Variants in RAP1A observed in about 807,000 individuals in gnomAD.
RAP1A encodes ras-related protein Rap-1A.
Under a neutral mutation model 26.4 loss-of-function variants are expected in RAP1A, and 6 were observed. That is an observed-to-expected ratio of 0.23 (90% confidence interval 0.12 to 0.45). The LOEUF (loss-of-function observed/expected upper bound fraction) is 0.45, where lower values mean the gene tolerates loss of function less well. Among genes scored for constraint, RAP1A ranks in the 20% least tolerant of loss-of-function variants. The pLI is 0.99. For missense variants in RAP1A, 121 were observed against 217.2 expected, an observed-to-expected ratio of 0.56 and a Z score of 2.78; for synonymous variants, 73 against 79.4, an observed-to-expected ratio of 0.92 and a Z score of 0.43.
chr1:111,652,552 T>A (rs1660308114), intron 1 of RAP1A, among the ~76,000 whole-genome samples: 1 of 152,116 alleles, frequency 6.6e-6, no homozygotes, highest in South Asian at 2.1e-4. Flanking sequence ...CATAAAACAT[T>A]TACCATCTAG....
rs1662492988 is a variant in RAP1A, at chr1:111,715,003, C to T, written c.*2602C>T. ...TGGCTTGGTGGTATCCCTGAACAGT[C>T]TACTTTTAGAAATTAACAGTAAATA... On this transcript the variant is annotated 3_prime_UTR_variant, in exon 8 of 8. Coordinates refer to ENST00000369709, the MANE Select transcript of RAP1A (RefSeq NM_002884.4). The T allele has an allele frequency of 6.6e-6, 1 of 152,078 alleles. No homozygotes were observed. Among genetic ancestry groups the T allele is most frequent in the South Asian group, 2.1e-4 (1 of 4,832 alleles). The allele number at this position is 152,078 out of a possible 1,614,324, so 9.4% of individuals were successfully genotyped here.
chr1:111,712,751 T>A lies in RAP1A; in HGVS notation c.*350T>A, dbSNP rs879282740. The stretch of plus-strand genomic sequence containing the variant: ...ATAATCAAATGATTTCATATTGATC[T>A]TTTTATCATGATCCTCCCTATCAAG... On this transcript the variant is annotated 3_prime_UTR_variant, in exon 8 of 8. Coordinates refer to ENST00000369709, the MANE Select transcript of RAP1A (RefSeq NM_002884.4). 6.6e-6 allele frequency: 1 copy of A among 152,546 alleles called. No homozygotes were observed. The highest frequency in any genetic ancestry group is 1.5e-5 in the Non-Finnish European group (1 of 67,938). The allele number at this position is 152,546 out of a possible 1,614,324, so 9.4% of individuals were successfully genotyped here. A position where few individuals can be genotyped will look rare whatever the true frequency, so the allele number is the denominator to read the frequency against.
intron 1 of RAP1A, among the ~76,000 whole-genome samples, chr1:111,658,612 T>C (rs1433956578): frequency 6.6e-6 from 1 of 152,222 alleles, no homozygotes; most frequent in Non-Finnish European, 1.5e-5. Flanking sequence ...TGGTTCAGGA[T>C]CATTAAGATG....
chr1:111,703,617 T>A (rs1249507055), intron 5 of RAP1A, 141 bp downstream of exon 5: 2 of 766,312 alleles, frequency 2.6e-6, no homozygotes, highest in African/African-American at 1.8e-5. Context: ...AAGAAAAAAA[T>A]TTAACTTTCA....
intron 6 of RAP1A, among the ~76,000 whole-genome samples, chr1:111,707,752 C>G (rs1237059062): frequency 6.6e-6 from 1 of 152,174 alleles, no homozygotes; most frequent in South Asian, 2.1e-4. Context: ...CAAAGCTTAT[C>G]TGTTTCATGT....
At chr1:111,620,656 A>T (rs1189445579) in intron 1 of RAP1A, among the ~76,000 whole-genome samples, 1 of 151,876 alleles carries the variant, frequency 6.6e-6, no homozygotes, top group Admixed American at 6.6e-5. Flanking sequence ...CTTTACCCTC[A>T]TGTCTTCCGT....
intron 1 of RAP1A, among the ~76,000 whole-genome samples, chr1:111,603,685 C>T (rs1191763680): frequency 6.6e-6 from 1 of 152,210 alleles, no homozygotes; most frequent in Admixed American, 6.5e-5. Context: ...ACCCACTCCT[C>T]CCAGTTAAAA....
chr1:111,686,289 G>A (rs535668779), intron 1 of RAP1A, among the ~76,000 whole-genome samples: 1 of 152,162 alleles, frequency 6.6e-6, no homozygotes, highest in Non-Finnish European at 1.5e-5. Context: ...TATTGATACT[G>A]TTGGAAAAAA....
intron 1 of RAP1A, among the ~76,000 whole-genome samples, chr1:111,558,436 C>G (rs572210557): frequency 3.9e-5 from 6 of 152,228 alleles, no homozygotes; most frequent in African/African-American, 1.4e-4. Context: ...ATCCACCTGC[C>G]TCAGCCTCCC....
At chr1:111,662,557 A>T (rs2101160713) in intron 1 of RAP1A, among the ~76,000 whole-genome samples, 1 of 152,260 alleles carries the variant, frequency 6.6e-6, no homozygotes, top group East Asian at 1.9e-4. Flanking sequence ...TTACGAGGAT[A>T]GGAAACTCAT....
At chr1:111,599,445 T>C (rs1472582829) in intron 1 of RAP1A, among the ~76,000 whole-genome samples, 1 of 152,196 alleles carries the variant, frequency 6.6e-6, no homozygotes, top group Admixed American at 6.5e-5. Context: ...GACCTCGTGA[T>C]CCACCTGCCT....
chr1:111,595,371 A>G (rs895174907), intron 1 of RAP1A, among the ~76,000 whole-genome samples: 3 of 152,184 alleles, frequency 2.0e-5, no homozygotes, highest in Admixed American at 6.5e-5. Flanking sequence ...AAGGACAAAG[A>G]AATTGCCTGA....
At chr1:111,566,090 G>T (rs1011994785) in intron 1 of RAP1A, among the ~76,000 whole-genome samples, 12 of 152,054 alleles carry the variant, frequency 7.9e-5, no homozygotes, top group African/African-American at 2.7e-4. Flanking sequence ...GGGTCTGAAG[G>T]TCTCGTGTGT....
chr1:111,559,568 T>C (rs144125625), intron 1 of RAP1A, among the ~76,000 whole-genome samples: 4 of 152,184 alleles, frequency 2.6e-5, no homozygotes, highest in East Asian at 3.8e-4. Flanking sequence ...AAGGAGATCA[T>C]AATTTCTATC....
intron 7 of RAP1A, among the ~76,000 whole-genome samples, chr1:111,711,154 A>C (rs1662373567): frequency 6.6e-6 from 1 of 152,184 alleles, no homozygotes; most frequent in Non-Finnish European, 1.5e-5. Flanking sequence ...TATAACTTTA[A>C]ATCATCAGTT....
At chr1:111,636,876 A>G (rs1286280386) in intron 1 of RAP1A, among the ~76,000 whole-genome samples, 2 of 152,214 alleles carry the variant, frequency 1.3e-5, no homozygotes, top group Admixed American at 6.5e-5. Context: ...ACTTCAGTAC[A>G]TAATTTTTTA....
At chr1:111,566,023 C>T (rs770250453) in intron 1 of RAP1A, among the ~76,000 whole-genome samples, 40 of 151,794 alleles carry the variant, frequency 2.6e-4, no homozygotes, top group Admixed American at 4.6e-4. Flanking sequence ...AATGATGAGT[C>T]CTGAAGTGCC....
At chr1:111,596,023 C>A (rs1658558256) in intron 1 of RAP1A, among the ~76,000 whole-genome samples, 1 of 152,116 alleles carries the variant, frequency 6.6e-6, no homozygotes, top group Non-Finnish European at 1.5e-5. Flanking sequence ...AATGTTTGAG[C>A]CAACATTAGA....
chr1:111,628,001 C>T (rs1659452798), intron 1 of RAP1A, among the ~76,000 whole-genome samples: 1 of 151,446 alleles, frequency 6.6e-6, no homozygotes. Context: ...GGTTTGTGTC[C>T]TTGCTTTGCC....
Sources: gnomAD v4.1 joint callset for allele counts (sites outside exome capture counted in the v4.1 genomes callset) on GRCh38, gnomAD v4.1.1 for gene constraint, MANE v1.5 for transcripts, NCBI Gene and HGNC (gene_info 2026-07-23, HGNC 2026-07-21) for gene names.